The following OSBP variants were observed in gnomAD, a reference collection of about 807,000 sequenced individuals.
The protein encoded by OSBP is oxysterol binding protein, also known as oxysterol-binding protein 1.
In OSBP, 32 loss-of-function variants were observed where a neutral mutation model predicts 96.6. That is an observed-to-expected ratio of 0.33 (90% CI 0.25 to 0.45). The LOEUF is 0.45. Ranked by LOEUF, OSBP falls within the 20% of genes least tolerant of loss-of-function variation. The probability of loss-of-function intolerance (pLI) is 1.00; values close to 1 mark genes in which losing one functional copy is unlikely to be tolerated. For missense variants in OSBP, 653 were observed against 1,029.7 expected (o/e 0.63, Z 5.01); for synonymous variants, 369 against 389.6 (o/e 0.95, Z 0.62).
chr11:59,578,098 C>G (rs762918987), intron 12 of OSBP, 51 bp downstream of exon 12: 2 of 1,563,870 alleles, frequency 1.3e-6, no homozygotes, highest in African/African-American at 2.7e-5. Context: ...CAATATTGCT[C>G]CACAGTCAAG....
chr11:59,614,112 TAC>T (rs1860889460), intron 1 of OSBP, among the ~76,000 whole-genome samples: 6 of 152,220 alleles, frequency 3.9e-5, no homozygotes, highest in Admixed American at 3.9e-4. Context: ...TTGCATAAAA[TAC>T]ACATAGTAAG....
intron 3 of OSBP, among the ~76,000 whole-genome samples, chr11:59,603,881 C>G (rs1307581398): frequency 6.6e-6 from 1 of 152,152 alleles, no homozygotes; most frequent in Non-Finnish European, 1.5e-5. Flanking sequence ...ACTTTCAGGG[C>G]CCTCCCAGTT....
intron 7 of OSBP, among the ~76,000 whole-genome samples, chr11:59,595,743 C>T (rs1339760038): frequency 1.3e-5 from 2 of 151,510 alleles, no homozygotes; most frequent in African/African-American, 4.9e-5. Context: ...AGTTTGAGAC[C>T]AGCCTGGGAA....
intron 9 of OSBP, among the ~76,000 whole-genome samples, chr11:59,589,940 G>A (rs774124851): frequency 1.2e-4 from 18 of 151,522 alleles, no homozygotes; most frequent in Admixed American, 1.1e-3. Context: ...CCGAGATTGC[G>A]CCACTGCACT....
chr11:59,582,712 G>T (rs775579922), intron 9 of OSBP, among the ~76,000 whole-genome samples: 1 of 152,188 alleles, frequency 6.6e-6, no homozygotes, highest in African/African-American at 2.4e-5. Context: ...GGGCAATTTT[G>T]TTGGGTACTA....
chr11:59,574,694 CCTTGACAT>C lies in OSBP; in HGVS notation c.*1875_*1882del, dbSNP rs1860340422. ...CTTTTATGAGCCTCCTTGAAAGAAG[CCTTGACAT>C]AATCCCTGGCTTATTTTGGGAATAA... is the stretch of plus-strand genomic sequence containing the variant. On this transcript the variant is annotated 3_prime_UTR_variant, in exon 14 of 14. Coordinates refer to ENST00000263847, the MANE Select transcript of OSBP (RefSeq NM_002556.3). The C allele has an allele frequency of 6.6e-6, 1 of 152,552 alleles. No individual in the cohort carries two copies. Among genetic ancestry groups the C allele is most frequent in the South Asian group, 2.1e-4 (1 of 4,834 alleles). The allele number at this position is 152,552 out of a possible 1,614,324, so 9.4% of individuals were successfully genotyped here.
chr11:59,576,529 C>G lies in OSBP; in HGVS notation c.*48G>C. 1 of 1,584,880 alleles carries G rather than the reference C, an allele frequency of 6.3e-7. No individual in the cohort carries two copies. Among genetic ancestry groups the G allele is most frequent in the Non-Finnish European group, 8.6e-7 (1 of 1,165,162 alleles). ...ACAACTTCCAGCTTTCCCACACATCCTCTGTCCTCTTCTCCATTATATGCT... is the reference window on the plus strand; with the variant it reads ...ACAACTTCCAGCTTTCCCACACATCGTCTGTCCTCTTCTCCATTATATGCT... On this transcript the variant is annotated 3_prime_UTR_variant, in exon 14 of 14. Coordinates refer to ENST00000263847, the MANE Select transcript of OSBP (RefSeq NM_002556.3).
At chr11:59,610,221 G>A (rs1054551745) in intron 2 of OSBP, among the ~76,000 whole-genome samples, 160 bp downstream of exon 2, 1 of 152,190 alleles carries the variant, frequency 6.6e-6, no homozygotes, top group Non-Finnish European at 1.5e-5. Context: ...CCCTGGTTGA[G>A]AACCATCACT....
chr11:59,612,129 TA>T lies in OSBP; in HGVS notation c.363-1541del, dbSNP rs370425342. The stretch of plus-strand genomic sequence containing the variant: ...CATGCCAGAAATGGCACACACCCCA[TA>T]AGATTTGGTATGTTTGAGAAAGTCT... On this transcript the variant is annotated intron_variant, in intron 1 of 13. Transcript: ENST00000263847. Among the ~76,000 whole-genome samples the T allele has an allele frequency of 1.4e-4, 22 of 152,276 alleles. No homozygotes were observed. The East Asian group carries it at 1.7e-3, about 12-fold the overall frequency.
chr11:59,588,932 G>A (rs1001799311), intron 9 of OSBP, among the ~76,000 whole-genome samples: 1 of 152,014 alleles, frequency 6.6e-6, no homozygotes, highest in African/African-American at 2.4e-5. Context: ...TTGAACCCAG[G>A]AGCGGGAGGT....
rs181726193 is a variant in OSBP at position 59,611,459 on chromosome 11, G to T, written c.363-870C>A. On this transcript the variant is annotated intron_variant, in intron 1 of 13. Coordinates refer to ENST00000263847, the MANE Select transcript of OSBP (RefSeq NM_002556.3). ...ATACCAAACCATCTCGCTCCCGACT[G>T]TAACTCAGCCCAAATGAGAACTCAG... 1.1e-3 allele frequency among the ~76,000 whole-genome samples: 161 copies of T among 152,238 alleles called. 1 individual carries two copies. Among genetic ancestry groups the T allele is most frequent in the African/African-American group, 3.6e-3 (150 of 41,536 alleles).
At chr11:59,590,763 T>C (rs912032352) in intron 9 of OSBP, among the ~76,000 whole-genome samples, 2 of 152,344 alleles carry the variant, frequency 1.3e-5, no homozygotes, top group East Asian at 3.9e-4. Context: ...GGCTTAACAA[T>C]AATTTTCTCT....
rs1860345888 is a variant in OSBP, at chr11:59,575,141, A to C, written c.*1436T>G. 6.6e-6 allele frequency: 1 copy of C among 152,230 alleles called. No individual in the cohort carries two copies. Among genetic ancestry groups the C allele is most frequent in the African/African-American group, 2.4e-5 (1 of 41,448 alleles). 9.4% of individuals were successfully genotyped at this position (152,230 alleles called of 1,614,324 possible). A position where few individuals can be genotyped will look rare whatever the true frequency, so the allele number is the denominator to read the frequency against. On this transcript the variant is annotated 3_prime_UTR_variant, in exon 14 of 14. Transcript: ENST00000263847. ...CATCCTAGGAAGAAAGTTCTTTTGGAATTCAGCCTATGCGCCGGACAGAGC... is the reference window on the plus strand; with the variant it reads ...CATCCTAGGAAGAAAGTTCTTTTGGCATTCAGCCTATGCGCCGGACAGAGC...
chr11:59,581,170 G>A (rs1332293425), intron 10 of OSBP, among the ~76,000 whole-genome samples: 1 of 152,128 alleles, frequency 6.6e-6, no homozygotes, highest in Non-Finnish European at 1.5e-5. Context: ...TTAAGAGTTG[G>A]GGCCACGTTT....
chr11:59,613,380 T>C (rs907580626), intron 1 of OSBP, among the ~76,000 whole-genome samples: 6 of 152,216 alleles, frequency 3.9e-5, no homozygotes, highest in African/African-American at 1.4e-4. Context: ...GACAGCAACA[T>C]GTAAGTTATT....
chr11:59,577,484 T>G (rs897569017), intron 12 of OSBP, among the ~76,000 whole-genome samples: 6 of 152,150 alleles, frequency 3.9e-5, no homozygotes, highest in Non-Finnish European at 7.3e-5. Flanking sequence ...GCTGGGCTTT[T>G]TTTTCTTTTT....
intron 3 of OSBP, among the ~76,000 whole-genome samples, chr11:59,607,052 T>C (rs1860788278): frequency 6.6e-6 from 1 of 151,976 alleles, no homozygotes; most frequent in Non-Finnish European, 1.5e-5. Flanking sequence ...AAACTAAAGG[T>C]TTAGGTTTAT....
rs1467329795 is a variant in OSBP, at chr11:59,615,440, C to T, written c.225G>A (p.Pro75=). Residue 75 remains proline (P), a synonymous_variant, in exon 1 of 14, where the codon CCG becomes CCA. Coordinates refer to ENST00000263847, the MANE Select transcript of OSBP (RefSeq NM_002556.3). ...CGCCCGAGCCGCCCGAGCCCCCAGT[C>T]GGCGGCGCAGGGGCCGGGCCAGCCG... ...VAAAGPAPAP[P]TGGSGGSGAG... The T allele has an allele frequency of 3.4e-6, 5 of 1,481,158 alleles. No homozygotes were observed. The South Asian group carries it at 3.6e-5, about 11-fold the overall frequency. 91.8% of individuals were successfully genotyped at this position (1,481,158 alleles called of 1,614,324 possible).
Position 59,615,412 on chromosome 11 carries a change from C to G in OSBP, c.253G>C (p.Gly85Arg). The G allele has an allele frequency of 6.5e-7, 1 of 1,541,240 alleles. No homozygotes were observed. The highest frequency in any genetic ancestry group is 1.2e-5 in the South Asian group (1 of 85,998). Reference sequence around the variant, plus strand: ...CCCTCTCGAGCCGAGCCCGAACCCCCAGCGCCCGAGCCGCCCGAGCCCCCA... The same window carrying G: ...CCCTCTCGAGCCGAGCCCGAACCCCGAGCGCCCGAGCCGCCCGAGCCCCCA... Reference protein sequence around the residue: ...PTGGSGGSGAGGSGSAREGWL... With the variant: ...PTGGSGGSGARGSGSAREGWL... The change falls in exon 1 of 14, where the codon GGG becomes CGG. Residue 85 changes from glycine to arginine, a missense_variant. Coordinates refer to ENST00000263847, the MANE Select transcript of OSBP (RefSeq NM_002556.3).
Sources: gnomAD v4.1 joint callset for allele counts (sites outside exome capture counted in the v4.1 genomes callset) on GRCh38, gnomAD v4.1.1 for gene constraint, MANE v1.5 for transcripts, NCBI Gene and HGNC (gene_info 2026-07-23, HGNC 2026-07-21) for gene names.